CIMAP1D: variants seen among roughly 807,000 people sequenced by gnomAD.
CIMAP1D encodes the protein protein CIMAP1D.
At chr19:480,392 C>T in the CIMAP1D span, among the ~76,000 whole-genome samples, 1 of 152,048 alleles carries the variant, frequency 6.6e-6, no homozygotes, top group Non-Finnish European at 1.5e-5. Context: ...GTGGGCGGTG[C>T]CGGGAGAGGG....
At chr19:472,440 G>A in the CIMAP1D span, 2 of 1,547,566 alleles carry the variant, frequency 1.3e-6, no homozygotes, top group Non-Finnish European at 1.7e-6. Flanking sequence ...TGGCCACCCT[G>A]GTGCAGTCGT....
At chr19:485,166 A>G in the CIMAP1D span, among the ~76,000 whole-genome samples, 1 of 152,100 alleles carries the variant, frequency 6.6e-6, no homozygotes, top group Non-Finnish European at 1.5e-5. Flanking sequence ...TTAGTTGTTT[A>G]TGGAGGGTCA....
At chr19:468,736 G>A in the CIMAP1D span, among the ~76,000 whole-genome samples, 7 of 152,328 alleles carry the variant, frequency 4.6e-5, no homozygotes, top group Middle Eastern at 3.4e-3. Flanking sequence ...CCCACAGACC[G>A]TCTGTGCACA....
At chr19:474,780 G>A in the CIMAP1D span, 19 of 1,442,562 alleles carry the variant, frequency 1.3e-5, no homozygotes, top group Middle Eastern at 2.5e-4. Context: ...CAGCACCCAC[G>A]GGGCCTGGTG....
chr19:481,315 C>G, the CIMAP1D span, among the ~76,000 whole-genome samples: 1,229 of 55,908 alleles, frequency 0.022, no homozygotes, highest in Admixed American at 0.039. Context: ...TGATGGAGAA[C>G]GATGATGGAG....
At chr19:477,739 T>G in the CIMAP1D span, among the ~76,000 whole-genome samples, 1 of 152,216 alleles carries the variant, frequency 6.6e-6, no homozygotes, top group Non-Finnish European at 1.5e-5. Context: ...CTCGGCTCAC[T>G]GCGAGCTCCG....
At chr19:489,405 C>G in the CIMAP1D span, 4 of 152,890 alleles carry the variant, frequency 2.6e-5, no homozygotes, top group Admixed American at 2.0e-4. Flanking sequence ...ACCCGCCCTC[C>G]CAGCCAGACC....
At chr19:480,350 G>A in the CIMAP1D span, among the ~76,000 whole-genome samples, 2 of 152,264 alleles carry the variant, frequency 1.3e-5, no homozygotes, top group Admixed American at 1.3e-4. Context: ...GAGCTCACAA[G>A]CGCCCTCTGG....
At chr19:485,095 AG>A in the CIMAP1D span, among the ~76,000 whole-genome samples, 1 of 150,480 alleles carries the variant, frequency 6.6e-6, no homozygotes, top group Non-Finnish European at 1.5e-5. Context: ...GAGTGAGAGG[AG>A]GGGAGGGTCC....
At chr19:484,547 G>A in the CIMAP1D span, among the ~76,000 whole-genome samples, 1 of 152,198 alleles carries the variant, frequency 6.6e-6, no homozygotes, top group Admixed American at 6.5e-5. Flanking sequence ...CTTCACATAC[G>A]GTGGCCAGGA....
chr19:477,273 A>G, the CIMAP1D span, among the ~76,000 whole-genome samples: 1 of 151,870 alleles, frequency 6.6e-6, no homozygotes, highest in African/African-American at 2.4e-5. Flanking sequence ...GAAATTGAAA[A>G]CTGTAGAAAT....
the CIMAP1D span, chr19:474,487 G>A: frequency 8.7e-6 from 8 of 914,402 alleles, no homozygotes; most frequent in African/African-American, 1.7e-5. Context: ...AAGGAAAACT[G>A]AGGTCTGGGG....
chr19:479,483 C>A, the CIMAP1D span, among the ~76,000 whole-genome samples: 1 of 149,824 alleles, frequency 6.7e-6, no homozygotes, highest in Admixed American at 6.7e-5. Flanking sequence ...CAGCTCACTG[C>A]AACCTCTGTC....
At chr19:479,831 C>T in the CIMAP1D span, among the ~76,000 whole-genome samples, 1 of 152,280 alleles carries the variant, frequency 6.6e-6, no homozygotes, top group Non-Finnish European at 1.5e-5. Context: ...CCACCATGCC[C>T]GGCCCCTTCT....
the CIMAP1D span, among the ~76,000 whole-genome samples, chr19:488,434 A>C: frequency 2.6e-5 from 4 of 152,210 alleles, no homozygotes; most frequent in Admixed American, 2.6e-4. Context: ...AGGCAGGAGA[A>C]TGGCGTGAAC....
the CIMAP1D span, chr19:472,490 C>G: frequency 1.3e-6 from 2 of 1,543,442 alleles, no homozygotes; most frequent in Non-Finnish European, 1.7e-6. Flanking sequence ...ACATACAAGC[C>G]TGGCCCCGAG....
At chr19:480,885 G>A in the CIMAP1D span, among the ~76,000 whole-genome samples, 42 of 89,200 alleles carry the variant, frequency 4.7e-4, no homozygotes, top group East Asian at 1.1e-3. Context: ...CGATGATGGA[G>A]AACGATGATG....
the CIMAP1D span, among the ~76,000 whole-genome samples, chr19:481,770 CTT>C: frequency 0.033 from 3,504 of 106,802 alleles, 52 homozygotes; most frequent in Admixed American, 0.051. Flanking sequence ...GAACCTCCTA[CTT>C]TTTTTTTTTT....
At chr19:469,160 T>A in the CIMAP1D span, among the ~76,000 whole-genome samples, 1 of 151,840 alleles carries the variant, frequency 6.6e-6, no homozygotes, top group African/African-American at 2.4e-5. Flanking sequence ...GGTCTATTTT[T>A]AGCCCCTTCC....
Sources: gnomAD v4.1 joint callset for allele counts (sites outside exome capture counted in the v4.1 genomes callset) on GRCh38, gnomAD v4.1.1 for gene constraint, MANE v1.5 for transcripts, NCBI Gene and HGNC (gene_info 2026-07-23, HGNC 2026-07-21) for gene names.